SEMA4D: variants seen among roughly 807,000 people sequenced by gnomAD.
SEMA4D encodes semaphorin 4D, also known as semaphorin-4D.
SEMA4D carries 22 observed loss-of-function variants against 74.8 expected under a neutral mutation model. The ratio of observed to expected loss-of-function variants is 0.29; its 90% confidence interval spans 0.21 to 0.42. The LOEUF (loss-of-function observed/expected upper bound fraction) is 0.42, where lower values mean the gene tolerates loss of function less well. Among genes scored for constraint, SEMA4D ranks in the 10% least tolerant of loss-of-function variants. The pLI is 1.00. For synonymous variants in SEMA4D, 445 were observed against 463.7 expected, an observed-to-expected ratio of 0.96 and a Z score of 0.52; for missense variants, 937 against 1,118.4, an observed-to-expected ratio of 0.84 and a Z score of 2.31.
At chr9:89,445,578 T>C (rs1852616879) in intron 2 of SEMA4D, among the ~76,000 whole-genome samples, 2 of 152,140 alleles carry the variant, frequency 1.3e-5, no homozygotes, top group African/African-American at 4.8e-5. Flanking sequence ...GTCAGGGTTC[T>C]CCAGAGAAGC....
intron 1 of SEMA4D, among the ~76,000 whole-genome samples, chr9:89,488,587 G>A (rs1825385828): frequency 6.6e-6 from 1 of 151,932 alleles, no homozygotes; most frequent in Non-Finnish European, 1.5e-5. Flanking sequence ...TGGCCAGGCT[G>A]GTCTCAAACT....
chr9:89,493,692 T>G (rs1825798598), intron 1 of SEMA4D, among the ~76,000 whole-genome samples: 1 of 152,224 alleles, frequency 6.6e-6, no homozygotes. Context: ...GTTACAATTC[T>G]AAGCAATTTC....
intron 1 of SEMA4D, among the ~76,000 whole-genome samples, chr9:89,470,706 C>T (rs1056374085): frequency 9.2e-5 from 14 of 151,816 alleles, no homozygotes; most frequent in Non-Finnish European, 1.9e-4. Context: ...AATGGACTTA[C>T]CGAGGGACAA....
intron 2 of SEMA4D, among the ~76,000 whole-genome samples, chr9:89,444,071 T>C (rs992281012): frequency 2.0e-5 from 3 of 152,228 alleles, no homozygotes; most frequent in African/African-American, 7.2e-5. Context: ...CGAAGGGTTC[T>C]CTTTTCACTG....
exon 19 of SEMA4D, chr9:89,361,849 G>A (rs1832788041): frequency 6.3e-6 from 1 of 158,686 alleles, no homozygotes; most frequent in Non-Finnish European, 1.4e-5. Context: ...TCCATGTGGA[G>A]TCTCACCTTT....
chr9:89,495,539 C>G (rs895778977), intron 1 of SEMA4D, among the ~76,000 whole-genome samples: 9 of 152,196 alleles, frequency 5.9e-5, no homozygotes, highest in African/African-American at 1.9e-4. Flanking sequence ...GGACCCACCC[C>G]AGCTGCCTCT....
intron 1 of SEMA4D, chr9:89,472,141 AAG>A (rs1236093872): frequency 5.5e-6 from 1 of 181,846 alleles, no homozygotes. Context: ...CTGACTTTAA[AAG>A]AGTCATGCTC....
At position 89,386,408 on chromosome 9, in the gene SEMA4D, C is replaced by G. The variant is rs1838511977; in HGVS notation, c.1405G>C (p.Asp469His). 2 of 1,614,090 alleles carry G rather than the reference C, an allele frequency of 1.2e-6. No homozygotes were observed. The highest frequency in any genetic ancestry group is 1.7e-6 in the Non-Finnish European group (2 of 1,179,974). Residue 469 changes from aspartate to histidine, a missense_variant, in exon 13 of 16, where the codon GAC becomes CAC. Physicochemically the swap from Asp to His is moderately conservative, Grantham distance 81 (BLOSUM62 -1). Transcript: ENST00000422704. Reference protein sequence around the residue: ...HIIEETQLFQDFEPVQTLLLS... With the variant: ...HIIEETQLFQHFEPVQTLLLS... Reference sequence around the variant, plus strand: ...AGCAGGGTCTGGACTGGCTCAAAGTCCTGGAAGAGCTGGGTCTCCTCGATG... The same window carrying G: ...AGCAGGGTCTGGACTGGCTCAAAGTGCTGGAAGAGCTGGGTCTCCTCGATG...
downstream of SEMA4D, among the ~76,000 whole-genome samples, chr9:89,372,996 G>C (rs1835318485): frequency 6.6e-6 from 1 of 152,094 alleles, no homozygotes; most frequent in Admixed American, 6.5e-5. Flanking sequence ...TGTCTAGGTG[G>C]AGAGTGGCAC....
At chr9:89,363,470 C>T in exon 18 of SEMA4D, 1 of 1,614,066 alleles carries the variant, frequency 6.2e-7, no homozygotes, top group Non-Finnish European at 8.5e-7. Context: ...GTCGTGCTCC[C>T]CAGCCACAGC....
chr9:89,468,257 G>GACAC (rs1180162527), intron 1 of SEMA4D, among the ~76,000 whole-genome samples: 1 of 152,146 alleles, frequency 6.6e-6, no homozygotes, highest in African/African-American at 2.4e-5. Flanking sequence ...ACCCCAGCAT[G>GACAC]ACACAGATTT....
chr9:89,392,874 G>A (rs557908181), intron 7 of SEMA4D, among the ~76,000 whole-genome samples: 12 of 152,222 alleles, frequency 7.9e-5, no homozygotes, highest in South Asian at 6.2e-4. Context: ...CTACAGGTGC[G>A]CGCCACCATG....
intron 4 of SEMA4D, 57 bp downstream of exon 4, chr9:89,402,811 CAGG>C: frequency 1.3e-6 from 2 of 1,568,800 alleles, no homozygotes; most frequent in Non-Finnish European, 1.7e-6. Flanking sequence ...ACAGTGGGGC[CAGG>C]AGAGGCTGCC....
intron 16 of SEMA4D, among the ~76,000 whole-genome samples, chr9:89,366,335 A>G (rs1469216726): frequency 1.3e-5 from 2 of 152,198 alleles, no homozygotes; most frequent in Non-Finnish European, 2.9e-5. Context: ...TTCCAAACTT[A>G]TAACAAACAA....
At position 89,452,699 on chromosome 9, in the gene SEMA4D, C is replaced by T. The variant is rs187408789; in HGVS notation, c.-244+3189G>A. Among the ~76,000 whole-genome samples the T allele has an allele frequency of 1.3e-3, 194 of 151,354 alleles. 1 individual carries two copies. The highest frequency in any genetic ancestry group is 4.6e-3 in the African/African-American group (188 of 41,210). ...AACTCCCCACCTCAGATGATCTACC[C>T]ACCTCGGCCTCCCAAAGTGCTGGGA... is the stretch of plus-strand genomic sequence containing the variant. On this transcript the variant is annotated intron_variant, in intron 2 of 15. Transcript: ENST00000422704.
At chr9:89,403,155 T>A in intron 3 of SEMA4D, 139 bp from the exon 4 acceptor site, 1 of 988,736 alleles carries the variant, frequency 1.0e-6, no homozygotes, top group Non-Finnish European at 1.5e-6. Context: ...GGGCCATGTG[T>A]TGCTGCAACA....
intron 2 of SEMA4D, chr9:89,405,966 G>C (rs1843235739): frequency 9.0e-7 from 1 of 1,109,690 alleles, no homozygotes; most frequent in Non-Finnish European, 1.1e-6. Flanking sequence ...AGGACCTGGT[G>C]TGGGGCACCC....
intron 7 of SEMA4D, among the ~76,000 whole-genome samples, 195 bp from the exon 8 acceptor site, chr9:89,392,731 TTTTTG>T (rs1314145842): frequency 2.0e-5 from 3 of 152,096 alleles, no homozygotes; most frequent in Admixed American, 1.3e-4. Context: ...AGATGAGGTT[TTTTTG>T]TTTTGTTTTG....
At chr9:89,426,980 T>A (rs1331519530) in intron 2 of SEMA4D, among the ~76,000 whole-genome samples, 7 of 151,938 alleles carry the variant, frequency 4.6e-5, no homozygotes, top group African/African-American at 1.7e-4. Context: ...CCCCAGCGAG[T>A]TCCCCCTTTG....
Sources: gnomAD v4.1 joint callset for allele counts (sites outside exome capture counted in the v4.1 genomes callset) on GRCh38, gnomAD v4.1.1 for gene constraint, MANE v1.5 for transcripts, NCBI Gene and HGNC (gene_info 2026-07-23, HGNC 2026-07-21) for gene names.